Variants in ZPBP observed in about 807,000 individuals in gnomAD.
ZPBP encodes the protein zona pellucida binding protein, also known as zona pellucida-binding protein 1.
ZPBP carries 26 observed loss-of-function variants against 44.8 expected under a neutral mutation model. That is an observed-to-expected ratio of 0.58 (90% CI 0.43 to 0.81). The LOEUF is 0.81. ZPBP is among the 30% of genes least tolerant of loss of function. The pLI is 0.00. For synonymous variants in ZPBP, 174 were observed against 153.2 expected (o/e 1.14, Z -1.00); for missense variants, 409 against 434.0 (o/e 0.94, Z 0.51).
chr7:50,016,934 G>T (rs1229741909), intron 6 of ZPBP, among the ~76,000 whole-genome samples: 1 of 152,064 alleles, frequency 6.6e-6, no homozygotes, highest in East Asian at 1.9e-4. Flanking sequence ...TTTTTTAAAT[G>T]AAGATATGAG....
chr7:50,051,036 A>T (rs1292177478), intron 4 of ZPBP, among the ~76,000 whole-genome samples: 2 of 152,110 alleles, frequency 1.3e-5, no homozygotes, highest in Non-Finnish European at 2.9e-5. Flanking sequence ...CACTCTATTC[A>T]TCTGACAAAG....
At chr7:50,079,726 AT>A (rs1802271803) in intron 3 of ZPBP, among the ~76,000 whole-genome samples, 1 of 151,678 alleles carries the variant, frequency 6.6e-6, no homozygotes, top group Admixed American at 6.6e-5. Context: ...CACACACAAA[AT>A]GGCAACTATG....
chr7:49,923,238 A>G (rs1042317061), intron 1 of ZPBP, among the ~76,000 whole-genome samples: 7 of 152,222 alleles, frequency 4.6e-5, no homozygotes, highest in African/African-American at 1.7e-4. Context: ...GATAAAACAA[A>G]GAATTCCCAA....
chr7:50,021,429 AAAAG>A (rs1799085384), intron 5 of ZPBP, among the ~76,000 whole-genome samples: 2 of 152,118 alleles, frequency 1.3e-5, no homozygotes, highest in African/African-American at 2.4e-5. Context: ...TTGAGCAAGC[AAAAG>A]AAAGAATTAG....
Position 49,876,808 on chromosome 7 carries a change from A to G in ZPBP, n.509+24310T>C, listed in dbSNP as rs79834328. ...TAGCTTGAAAATGATTCTCTTAATT[A>G]CAGTCGTGGAGTTGCTTTATTTGCT... On this transcript the variant is annotated intron_variant and non_coding_transcript_variant, in intron 2 of 2. Transcript: ENST00000465922. Among the ~76,000 whole-genome samples, 49 of 152,200 alleles carry G rather than the reference A, an allele frequency of 3.2e-4. 1 individual carries two copies. Among genetic ancestry groups the G allele is most frequent in the Non-Finnish European group, 6.8e-4 (46 of 68,002 alleles).
chr7:50,027,026 G>C (rs1006107806), intron 5 of ZPBP, among the ~76,000 whole-genome samples: 1 of 151,806 alleles, frequency 6.6e-6, no homozygotes, highest in African/African-American at 2.4e-5. Flanking sequence ...AAGTGAACAC[G>C]GAACGTTAAG....
intron 7 of ZPBP, among the ~76,000 whole-genome samples, chr7:49,982,452 C>T (rs1797070588): frequency 6.9e-6 from 1 of 145,084 alleles, no homozygotes. Context: ...ATTCTATTTC[C>T]TAATATTCCT....
intron 3 of ZPBP, among the ~76,000 whole-genome samples, chr7:50,079,990 C>A (rs1336446215): frequency 1.3e-5 from 2 of 151,684 alleles, no homozygotes; most frequent in African/African-American, 4.8e-5. Context: ...ATAAGACTTG[C>A]TCCCTATGTT....
chr7:49,988,199 A>G (rs1028833116), intron 6 of ZPBP, among the ~76,000 whole-genome samples: 3 of 152,208 alleles, frequency 2.0e-5, no homozygotes, highest in African/African-American at 7.2e-5. Flanking sequence ...TGCTTTTAAA[A>G]AAATTCTAAG....
chr7:49,859,634 T>G (rs781211379), intron 2 of ZPBP, among the ~76,000 whole-genome samples: 1 of 152,254 alleles, frequency 6.6e-6, no homozygotes, highest in Non-Finnish European at 1.5e-5. Context: ...TATTTGCCTA[T>G]TGCATGCGAA....
At chr7:49,941,079 C>T (rs1271471867) in intron 7 of ZPBP, among the ~76,000 whole-genome samples, 2 of 152,068 alleles carry the variant, frequency 1.3e-5, no homozygotes, top group East Asian at 3.9e-4. Flanking sequence ...AAGAGAAAAA[C>T]AAATCAAAGC....
At chr7:49,997,206 C>A (rs1797884401) in intron 6 of ZPBP, among the ~76,000 whole-genome samples, 1 of 152,134 alleles carries the variant, frequency 6.6e-6, no homozygotes, top group Non-Finnish European at 1.5e-5. Flanking sequence ...CTACATTAAC[C>A]AAGAGAGATC....
chr7:49,979,346 T>C (rs2128775854), intron 7 of ZPBP, among the ~76,000 whole-genome samples: 1 of 152,220 alleles, frequency 6.6e-6, no homozygotes, highest in South Asian at 2.1e-4. Flanking sequence ...ATCTCCTAAG[T>C]ATATAAACTC....
At chr7:50,067,708 T>C in intron 3 of ZPBP, among the ~76,000 whole-genome samples, 1 of 152,204 alleles carries the variant, frequency 6.6e-6, no homozygotes, top group African/African-American at 2.4e-5. Flanking sequence ...AGGAGCAACA[T>C]AGCCGGGTTT....
intron 7 of ZPBP, among the ~76,000 whole-genome samples, chr7:49,973,618 T>C (rs1030344813): frequency 6.6e-6 from 1 of 152,124 alleles, no homozygotes; most frequent in Non-Finnish European, 1.5e-5. Flanking sequence ...ATTAGAGAAA[T>C]GCAAATCAAG....
At chr7:50,014,465 C>CTTT (rs11378550) in intron 6 of ZPBP, among the ~76,000 whole-genome samples, 11 of 132,356 alleles carry the variant, frequency 8.3e-5, no homozygotes, top group Non-Finnish European at 1.3e-4. Context: ...CTTTCTTTTT[C>CTTT]TTTTTTTTTT....
At chr7:49,923,635 C>T (rs1053634640) in intron 1 of ZPBP, among the ~76,000 whole-genome samples, 38 of 131,716 alleles carry the variant, frequency 2.9e-4, no homozygotes, top group Admixed American at 2.3e-3. Context: ...TTCTAATAGT[C>T]ATTATTCATT....
At position 50,037,502 on chromosome 7, in the gene ZPBP, G is replaced by A. The variant is rs1799876760; in HGVS notation, c.488-6192C>T. Among the ~76,000 whole-genome samples the A allele has an allele frequency of 2.0e-5, 3 of 152,188 alleles. No homozygotes were observed. In the South Asian group the frequency reaches 6.2e-4, roughly 32 times the overall value. On this transcript the variant is annotated intron_variant, in intron 4 of 7. Coordinates refer to ENST00000046087, the MANE Select transcript of ZPBP (RefSeq NM_007009.3). Reference sequence around the variant, plus strand: ...GAAACTCACAATCATGATTGAAGGTGAAGGGGAAGCAAGCAGGTCTTACCA... The same window carrying A: ...GAAACTCACAATCATGATTGAAGGTAAAGGGGAAGCAAGCAGGTCTTACCA...
chr7:50,054,131 TCCA>T (rs1197371953), intron 4 of ZPBP, among the ~76,000 whole-genome samples: 4 of 152,076 alleles, frequency 2.6e-5, no homozygotes, highest in Non-Finnish European at 4.4e-5. Flanking sequence ...CCATAAGTGA[TCCA>T]CCCACCTCGG....
Sources: allele counts gnomAD v4.1 joint callset (sites outside exome capture counted in the v4.1 genomes callset), GRCh38; gene constraint gnomAD v4.1.1; transcripts MANE v1.5; gene names NCBI Gene and HGNC (gene_info 2026-07-23, HGNC 2026-07-21).